DOCK3: variants seen among roughly 807,000 people sequenced by gnomAD.
DOCK3 encodes dedicator of cytokinesis 3.
DOCK3 carries 60 observed loss-of-function variants against 265.6 expected under a neutral mutation model. The observed-to-expected ratio is 0.23, with a 90% CI of 0.18 to 0.28. DOCK3 has a LOEUF of 0.28. Among genes scored for constraint, DOCK3 ranks in the 10% least tolerant of loss-of-function variants. DOCK3 has a pLI of 1.00. For synonymous variants in DOCK3, 881 were observed against 938.0 expected (o/e 0.94, Z 1.11); for missense variants, 1,981 against 2,594.3 (o/e 0.76, Z 5.14).
chr3:51,213,051 T>G (rs978528365), intron 13 of DOCK3, among the ~76,000 whole-genome samples: 2 of 152,168 alleles, frequency 1.3e-5, no homozygotes, highest in Admixed American at 1.3e-4. Context: ...GACTTCTCTC[T>G]TTATCTACTT....
chr3:51,380,804 C>A (rs2088568559), intron 52 of DOCK3, among the ~76,000 whole-genome samples: 1 of 152,166 alleles, frequency 6.6e-6, no homozygotes, highest in East Asian at 1.9e-4. Flanking sequence ...GACCTGGGAC[C>A]AGGGGGCACC....
intron 2 of DOCK3, among the ~76,000 whole-genome samples, chr3:50,826,175 C>CTTT (rs879517047): frequency 6.9e-6 from 1 of 145,712 alleles, no homozygotes; most frequent in African/African-American, 2.5e-5. Context: ...GTTGCTAAGC[C>CTTT]TTTTTTTTTT....
At chr3:51,246,363 G>A (rs1244842437) in intron 21 of DOCK3, among the ~76,000 whole-genome samples, 3 of 151,578 alleles carry the variant, frequency 2.0e-5, no homozygotes, top group Non-Finnish European at 2.9e-5. Context: ...CTCCTGAGTA[G>A]CTGGGACTAC....
chr3:51,338,283 C>T, intron 35 of DOCK3, 76 bp from the exon 36 acceptor site: 1 of 1,497,294 alleles, frequency 6.7e-7, no homozygotes, highest in East Asian at 2.5e-5. Context: ...ACTAATGCCC[C>T]AGTGATAGTA....
At chr3:50,790,800 A>T (rs1182494933) in intron 2 of DOCK3, among the ~76,000 whole-genome samples, 5 of 152,048 alleles carry the variant, frequency 3.3e-5, no homozygotes, top group Admixed American at 3.3e-4. Flanking sequence ...TGCCTGGGCG[A>T]TGATCTTCCA....
At chr3:50,791,076 A>G (rs1056309784) in intron 2 of DOCK3, among the ~76,000 whole-genome samples, 3 of 151,980 alleles carry the variant, frequency 2.0e-5, no homozygotes, top group Non-Finnish European at 4.4e-5. Flanking sequence ...CTCTGTTGAT[A>G]GTTTCTTTTG....
intron 1 of DOCK3, among the ~76,000 whole-genome samples, chr3:50,774,684 A>G (rs1169341657): frequency 6.6e-6 from 1 of 151,884 alleles, no homozygotes; most frequent in East Asian, 1.9e-4. Context: ...TACACCTTTA[A>G]TTGCCTTATT....
intron 12 of DOCK3, among the ~76,000 whole-genome samples, chr3:51,199,275 G>C (rs954926067): frequency 2.0e-5 from 3 of 152,150 alleles, no homozygotes; most frequent in South Asian, 4.1e-4. Context: ...AGGGAGTTCC[G>C]TTTCCTAGTC....
chr3:50,799,934 TTC>T (rs1441568217), intron 2 of DOCK3, among the ~76,000 whole-genome samples: 2 of 152,250 alleles, frequency 1.3e-5, no homozygotes, highest in Admixed American at 6.5e-5. Context: ...ATTAAGAGCT[TTC>T]TCTGAGTCTA....
chr3:51,254,851 C>T (rs567902847), intron 22 of DOCK3, among the ~76,000 whole-genome samples: 67 of 152,306 alleles, frequency 4.4e-4, no homozygotes, highest in African/African-American at 1.6e-3. Context: ...TTAATTGGAG[C>T]ATTTAGCCCA....
intron 13 of DOCK3, among the ~76,000 whole-genome samples, chr3:51,210,634 T>A (rs2089451357): frequency 6.6e-6 from 1 of 152,234 alleles, no homozygotes; most frequent in East Asian, 1.9e-4. Flanking sequence ...TGCTGGACTC[T>A]GGGGTCTTTG....
intron 9 of DOCK3, among the ~76,000 whole-genome samples, chr3:51,140,647 A>G (rs1410659584): frequency 6.6e-6 from 1 of 152,076 alleles, no homozygotes; most frequent in Admixed American, 6.6e-5. Context: ...TATGGTTTCT[A>G]TGCTAACCTT....
intron 5 of DOCK3, among the ~76,000 whole-genome samples, chr3:50,975,967 T>G (rs1257370334): frequency 6.6e-6 from 1 of 151,124 alleles, no homozygotes; most frequent in Non-Finnish European, 1.5e-5. Flanking sequence ...TAGTTTGTAT[T>G]TCTGTGGGAT....
At position 51,049,651 on chromosome 3, in the gene DOCK3, G is replaced by A. The variant is rs568821570; in HGVS notation, c.316-14797G>A. On this transcript the variant is annotated intron_variant, in intron 5 of 52. Transcript: ENST00000266037. ...GAGCATTTTGGATTTTTGGATTAGC[G>A]ATGCTCAACCTGTACTGAAAGTCCT... Among the ~76,000 whole-genome samples, 5 of 152,152 alleles carry A rather than the reference G, an allele frequency of 3.3e-5. No homozygotes were observed. In the South Asian group the frequency reaches 6.2e-4, roughly 19 times the overall value.
At chr3:50,781,832 A>G (rs1321686441) in intron 2 of DOCK3, among the ~76,000 whole-genome samples, 1 of 152,194 alleles carries the variant, frequency 6.6e-6, no homozygotes, top group East Asian at 1.9e-4. Flanking sequence ...CTGTGTGTCC[A>G]TGTATTCTCA....
chr3:50,862,269 C>A (rs1049860933), intron 3 of DOCK3, among the ~76,000 whole-genome samples: 3 of 152,128 alleles, frequency 2.0e-5, no homozygotes, highest in African/African-American at 4.8e-5. Flanking sequence ...TTGTTGTAGC[C>A]ATGTATTGGA....
intron 9 of DOCK3, among the ~76,000 whole-genome samples, chr3:51,099,279 T>C (rs531062996): frequency 2.6e-5 from 4 of 152,364 alleles, no homozygotes; most frequent in Admixed American, 2.6e-4. Context: ...ATATATACTT[T>C]GGCCTGTGGT....
chr3:51,318,328 G>A (rs898679229), intron 32 of DOCK3, among the ~76,000 whole-genome samples: 9 of 152,138 alleles, frequency 5.9e-5, no homozygotes, highest in African/African-American at 2.2e-4. Context: ...GCAGTGATCT[G>A]AGATCGCACC....
At chr3:50,805,969 T>G (rs1048421155) in intron 2 of DOCK3, among the ~76,000 whole-genome samples, 1 of 151,720 alleles carries the variant, frequency 6.6e-6, no homozygotes, top group Non-Finnish European at 1.5e-5. Flanking sequence ...GGGGGCAGAC[T>G]TAGAGCTGTT....
Sources: allele counts gnomAD v4.1 joint callset (sites outside exome capture counted in the v4.1 genomes callset), GRCh38; gene constraint gnomAD v4.1.1; transcripts MANE v1.5; gene names NCBI Gene and HGNC (gene_info 2026-07-23, HGNC 2026-07-21).